The following MMP16 variants were observed in gnomAD, a reference collection of about 807,000 sequenced individuals.
MMP16 encodes the protein matrix metallopeptidase 16.
MMP16 carries 12 observed loss-of-function variants against 67.8 expected under a neutral mutation model. That is an observed-to-expected ratio of 0.18 (90% confidence interval 0.11 to 0.29). The LOEUF is 0.29. Among genes scored for constraint, MMP16 ranks in the 10% least tolerant of loss-of-function variants. The pLI is 1.00. For missense variants in MMP16, 475 were observed against 765.7 expected (o/e 0.62, Z 4.48); for synonymous variants, 249 against 255.9 (o/e 0.97, Z 0.26).
At chr8:88,181,209 G>T (rs562692660) in intron 3 of MMP16, among the ~76,000 whole-genome samples, 1 of 151,732 alleles carries the variant, frequency 6.6e-6, no homozygotes, top group African/African-American at 2.4e-5. Flanking sequence ...AAAAAGAAAA[G>T]AAAAGAGACA....
intron 1 of MMP16, among the ~76,000 whole-genome samples, chr8:88,292,275 C>T (rs749693448): frequency 2.0e-5 from 3 of 152,186 alleles, no homozygotes; most frequent in Non-Finnish European, 4.4e-5. Flanking sequence ...TTCACAGTGT[C>T]AGTAGCTTTA....
intron 1 of MMP16, among the ~76,000 whole-genome samples, chr8:88,298,716 G>A (rs1361112432): frequency 1.3e-5 from 2 of 152,154 alleles, no homozygotes; most frequent in Non-Finnish European, 2.9e-5. Flanking sequence ...AGGAGGTGAT[G>A]AATAATAAAT....
At chr8:88,170,783 G>A (rs1487710135) in intron 3 of MMP16, among the ~76,000 whole-genome samples, 6 of 152,174 alleles carry the variant, frequency 3.9e-5, no homozygotes, top group African/African-American at 1.4e-4. Context: ...AACAAACATG[G>A]CCAGTTCAAA....
intron 6 of MMP16, among the ~76,000 whole-genome samples, chr8:88,079,100 C>G (rs1334141308): frequency 6.6e-6 from 1 of 152,134 alleles, no homozygotes. Flanking sequence ...AGCAGTCTCT[C>G]TTGTGTTCAT....
intron 6 of MMP16, among the ~76,000 whole-genome samples, chr8:88,104,234 C>A (rs1239399361): frequency 1.3e-5 from 2 of 151,546 alleles, no homozygotes; most frequent in African/African-American, 4.8e-5. Flanking sequence ...CTTTTCTATG[C>A]CTTGTCAATG....
intron 1 of MMP16, among the ~76,000 whole-genome samples, chr8:88,259,232 C>T (rs1269763770): frequency 6.6e-6 from 1 of 152,124 alleles, no homozygotes; most frequent in East Asian, 1.9e-4. Flanking sequence ...TATCTAGATA[C>T]TTTCTATCAT....
intron 2 of MMP16, among the ~76,000 whole-genome samples, chr8:88,187,290 T>A (rs1809090193): frequency 6.6e-6 from 1 of 152,182 alleles, no homozygotes; most frequent in Non-Finnish European, 1.5e-5. Context: ...ATGCTGCTTT[T>A]AATTTATTAA....
At chr8:88,053,642 ATTG>A (rs1808296729) in intron 8 of MMP16, among the ~76,000 whole-genome samples, 2 of 152,186 alleles carry the variant, frequency 1.3e-5, no homozygotes, top group South Asian at 2.1e-4. Context: ...TGACAACTAA[ATTG>A]TTGTGTTTTT....
chr8:88,170,909 T>C (rs958567746), intron 3 of MMP16, among the ~76,000 whole-genome samples: 4 of 152,172 alleles, frequency 2.6e-5, no homozygotes, highest in Admixed American at 6.5e-5. Flanking sequence ...TAAGAGAAGA[T>C]AGAGACTAGG....
intron 1 of MMP16, among the ~76,000 whole-genome samples, chr8:88,307,398 C>G (rs73292451): frequency 6.6e-6 from 1 of 152,004 alleles, no homozygotes; most frequent in Non-Finnish European, 1.5e-5. Flanking sequence ...GTCCTCCTAT[C>G]ATTGTGATAG....
At chr8:88,186,733 G>A in intron 2 of MMP16, 135 bp from the exon 3 acceptor site, 1 of 1,199,764 alleles carries the variant, frequency 8.3e-7, no homozygotes, top group East Asian at 2.5e-5. Context: ...AAAATATAAA[G>A]TAAAGGGAAC....
intron 1 of MMP16, among the ~76,000 whole-genome samples, chr8:88,251,486 A>C (rs1042770107): frequency 2.8e-5 from 4 of 142,992 alleles, no homozygotes; most frequent in Non-Finnish European, 6.0e-5. Context: ...TTATACAAAA[A>C]TCAATTCAAG....
At chr8:88,159,971 T>C (rs1220331338) in intron 4 of MMP16, among the ~76,000 whole-genome samples, 1 of 151,890 alleles carries the variant, frequency 6.6e-6, no homozygotes, top group Non-Finnish European at 1.5e-5. Flanking sequence ...TTATTTTATT[T>C]TATTTTATTA....
chr8:88,097,336 G>C (rs532518121), intron 6 of MMP16, among the ~76,000 whole-genome samples: 60 of 151,820 alleles, frequency 4.0e-4, no homozygotes, highest in African/African-American at 1.3e-3. Flanking sequence ...ATTAAGAATG[G>C]AGGCTAGGTG....
rs562579192 is a variant in MMP16, at chr8:88,092,797, T to A, written c.1084-18054A>T. On this transcript the variant is annotated intron_variant, in intron 6 of 9. Transcript: ENST00000286614. Reference sequence around the variant, plus strand: ...CCATTAATATTTACCAAGTTTTATATCGAGATATAGTAACTACAAAGTTTC... The same window carrying A: ...CCATTAATATTTACCAAGTTTTATAACGAGATATAGTAACTACAAAGTTTC... Among the ~76,000 whole-genome samples, 11 of 151,980 alleles carry A rather than the reference T, an allele frequency of 7.2e-5. 1 individual carries two copies. In the South Asian group the frequency reaches 2.3e-3, roughly 31 times the overall value.
intron 1 of MMP16, among the ~76,000 whole-genome samples, chr8:88,251,219 A>T (rs1810214839): frequency 6.6e-6 from 1 of 152,020 alleles, no homozygotes; most frequent in Non-Finnish European, 1.5e-5. Context: ...AGCTGGAGGC[A>T]TCACACTACC....
At chr8:88,206,250 A>G (rs1809424083) in intron 1 of MMP16, among the ~76,000 whole-genome samples, 1 of 152,126 alleles carries the variant, frequency 6.6e-6, no homozygotes, top group South Asian at 2.1e-4. Context: ...CCATTCTTGA[A>G]ATTTTTCATC....
At position 88,132,236 on chromosome 8, in the gene MMP16, C is replaced by T. The variant is rs187384616; in HGVS notation, c.710-13375G>A. On this transcript the variant is annotated intron_variant, in intron 4 of 9. Transcript: ENST00000286614. ...AAGAATAAATTTCAATACTTGAAAA[C>T]CCTTGGAAAGACTCTTTAAAATACG... Among the ~76,000 whole-genome samples, 735 of 151,850 alleles carry T rather than the reference C, an allele frequency of 4.8e-3. 13 individuals are homozygous for T. Among genetic ancestry groups the T allele is most frequent in the Non-Finnish European group, 3.7e-3 (248 of 67,878 alleles).
At chr8:88,120,553 C>T (rs1373709558) in intron 4 of MMP16, among the ~76,000 whole-genome samples, 2 of 151,702 alleles carry the variant, frequency 1.3e-5, no homozygotes, top group African/African-American at 4.8e-5. Context: ...TATCAATGGG[C>T]TAAGTGAAAG....
Sources: allele counts gnomAD v4.1 joint callset (sites outside exome capture counted in the v4.1 genomes callset), GRCh38; gene constraint gnomAD v4.1.1; transcripts MANE v1.5; gene names NCBI Gene and HGNC (gene_info 2026-07-23, HGNC 2026-07-21).